NTM: variants seen among roughly 807,000 people sequenced by gnomAD.
NTM encodes IgLON family member 2.
A neutral mutation model predicts 42.1 loss-of-function variants in NTM; 13 were observed. That is an observed-to-expected ratio of 0.31 (90% CI 0.20 to 0.49). The LOEUF (loss-of-function observed/expected upper bound fraction) is 0.49. NTM is among the 20% of genes least tolerant of loss of function. The probability of loss-of-function intolerance (pLI) is 0.99; values close to 1 mark genes in which losing one functional copy is unlikely to be tolerated. For synonymous variants in NTM, 187 were observed against 179.2 expected, an observed-to-expected ratio of 1.04 and a Z score of -0.35; for missense variants, 373 against 452.8, an observed-to-expected ratio of 0.82 and a Z score of 1.60.
At chr11:131,744,516 G>A (rs1228010760) in intron 1 of NTM, among the ~76,000 whole-genome samples, 2 of 152,066 alleles carry the variant, frequency 1.3e-5, no homozygotes, top group Non-Finnish European at 2.9e-5. Flanking sequence ...AAAATTGCTG[G>A]CAATTCCCTT....
At chr11:131,690,561 C>T (rs1360779966) in intron 1 of NTM, among the ~76,000 whole-genome samples, 3 of 152,236 alleles carry the variant, frequency 2.0e-5, no homozygotes, top group African/African-American at 4.8e-5. Flanking sequence ...GGAAAGCGTT[C>T]TCTGCCCTCA....
intron 1 of NTM, among the ~76,000 whole-genome samples, chr11:131,877,013 C>T (rs569999118): frequency 7.2e-5 from 11 of 152,104 alleles, no homozygotes; most frequent in Non-Finnish European, 1.6e-4. Flanking sequence ...CATGAGCCAC[C>T]GTATCCAAGT....
At chr11:131,605,476 G>T (rs2060867566) in intron 1 of NTM, among the ~76,000 whole-genome samples, 1 of 152,164 alleles carries the variant, frequency 6.6e-6, no homozygotes, top group Non-Finnish European at 1.5e-5. Context: ...AATCTTCTCT[G>T]TATGGGATTA....
At chr11:131,799,311 C>A (rs1014626817) in intron 1 of NTM, among the ~76,000 whole-genome samples, 5 of 152,174 alleles carry the variant, frequency 3.3e-5, no homozygotes, top group African/African-American at 1.2e-4. Context: ...GAATCCTCTG[C>A]ACAGAATTCT....
chr11:131,609,280 G>A (rs2061276783), intron 1 of NTM, among the ~76,000 whole-genome samples: 2 of 152,226 alleles, frequency 1.3e-5, no homozygotes, highest in Admixed American at 6.5e-5. Flanking sequence ...TTAGGCCTGG[G>A]TTGCTTGAGA....
chr11:132,127,328 T>C (rs1473965227), intron 2 of NTM, among the ~76,000 whole-genome samples: 2 of 152,324 alleles, frequency 1.3e-5, no homozygotes, highest in East Asian at 1.9e-4. Context: ...TGTTTCCAAA[T>C]AGACCTATTA....
At chr11:132,088,300 A>T (rs2059982071) in intron 2 of NTM, among the ~76,000 whole-genome samples, 1 of 152,132 alleles carries the variant, frequency 6.6e-6, no homozygotes, top group Admixed American at 6.5e-5. Context: ...GAGGATGAGA[A>T]AGCTCAGAAA....
chr11:131,617,258 A>G (rs572865028), intron 1 of NTM, among the ~76,000 whole-genome samples: 4 of 152,256 alleles, frequency 2.6e-5, no homozygotes, highest in East Asian at 1.9e-4. Context: ...TGACGTGGCT[A>G]CAGAGCTCTG....
At chr11:131,472,237 G>A (rs1952501689) in intron 1 of NTM, among the ~76,000 whole-genome samples, 1 of 152,142 alleles carries the variant, frequency 6.6e-6, no homozygotes, top group Admixed American at 6.6e-5. Flanking sequence ...AATTACACTG[G>A]GTATCCCCCC....
At chr11:131,892,464 TG>T (rs760499849) in intron 1 of NTM, among the ~76,000 whole-genome samples, 70 of 152,334 alleles carry the variant, frequency 4.6e-4, no homozygotes, top group Non-Finnish European at 9.3e-4. Flanking sequence ...TAATTTCCTT[TG>T]TTGTCAGGAA....
intron 1 of NTM, among the ~76,000 whole-genome samples, chr11:131,520,175 A>G (rs1408535058): frequency 6.6e-6 from 1 of 152,236 alleles, no homozygotes; most frequent in Non-Finnish European, 1.5e-5. Context: ...GAATTCCTTT[A>G]GCGCTGGCAA....
intron 2 of NTM, among the ~76,000 whole-genome samples, chr11:131,957,635 G>GTT (rs1170999810): frequency 6.6e-6 from 1 of 152,208 alleles, no homozygotes; most frequent in Admixed American, 6.5e-5. Flanking sequence ...AATAAAGGTA[G>GTT]TAAGTGTAAG....
At position 132,303,484 on chromosome 11, in the gene NTM, G is replaced by A. The variant is rs59901815; in HGVS notation, c.527-4205G>A. Among the ~76,000 whole-genome samples the A allele has an allele frequency of 6.9e-3, 1,045 of 152,250 alleles. 15 individuals are homozygous for A. The highest frequency in any genetic ancestry group is 0.024 in the African/African-American group (1,011 of 41,544). The stretch of plus-strand genomic sequence containing the variant: ...CGAATCCCTTTTTATAAGGACACCA[G>A]TCAGATTAGATTAGGGTCTACCATA... On this transcript the variant is annotated intron_variant, in intron 4 of 8. Coordinates refer to ENST00000683400, the MANE Select transcript of NTM (RefSeq NM_001352005.2).
chr11:131,605,181 A>G (rs1203341522), intron 1 of NTM, among the ~76,000 whole-genome samples: 7 of 151,812 alleles, frequency 4.6e-5, no homozygotes, highest in African/African-American at 1.7e-4. Flanking sequence ...CTTCCAATCT[A>G]TGTTCACAGA....
chr11:131,777,796 G>T (rs1335015770), intron 1 of NTM, among the ~76,000 whole-genome samples: 1 of 152,118 alleles, frequency 6.6e-6, no homozygotes, highest in African/African-American at 2.4e-5. Context: ...GCTTATGACT[G>T]TGAATGCTTC....
intron 1 of NTM, among the ~76,000 whole-genome samples, chr11:131,751,257 A>C (rs2082466477): frequency 6.6e-6 from 1 of 151,978 alleles, no homozygotes; most frequent in South Asian, 2.1e-4. Flanking sequence ...AACATGGTGA[A>C]ACCCCGTCTC....
intron 4 of NTM, among the ~76,000 whole-genome samples, chr11:132,240,331 T>C (rs776962415): frequency 2.0e-5 from 3 of 152,236 alleles, no homozygotes; most frequent in Non-Finnish European, 4.4e-5. Context: ...ATTCTTTTTA[T>C]TGAACCATAG....
At chr11:131,932,888 C>G (rs1368737605) in intron 2 of NTM, among the ~76,000 whole-genome samples, 26 of 152,148 alleles carry the variant, frequency 1.7e-4, no homozygotes, top group Admixed American at 1.7e-3. Context: ...CCGGGACACA[C>G]AAAGCCTCTT....
In NTM at chr11:132,214,015, TGAG is replaced by T. The variant is rs1303787906; in HGVS notation, c.526+1869_526+1871del. ...TCCCAAAGTGCTGGGATTACAGGCG[TGAG>T]CCACCGCGCCCGGCGGGCCACCATT... On this transcript the variant is annotated intron_variant, in intron 4 of 8. Transcript: ENST00000683400. Among the ~76,000 whole-genome samples the T allele has an allele frequency of 9.8e-5, 6 of 61,388 alleles. 1 individual carries two copies. The highest frequency in any genetic ancestry group is 2.7e-4 in the Non-Finnish European group (6 of 22,566). The allele number at this position is 61,388 out of a possible 152,430, so 40.3% of individuals were successfully genotyped here.
Sources: allele counts gnomAD v4.1 joint callset (sites outside exome capture counted in the v4.1 genomes callset), GRCh38; gene constraint gnomAD v4.1.1; transcripts MANE v1.5; gene names NCBI Gene and HGNC (gene_info 2026-07-23, HGNC 2026-07-21).